Variants in CDKN2B-AS1 observed in about 807,000 individuals in gnomAD.
CDKN2B-AS1 encodes the protein CDKN2B antisense RNA 1 (non-protein coding).
In CDKN2B-AS1 at chr9:22,039,990, C is replaced by T. The variant is rs1461305677; in HGVS notation, n.30-6761C>T. 6.6e-6 allele frequency among the ~76,000 whole-genome samples: 1 copy of T among 152,012 alleles called. No homozygotes were observed. Among genetic ancestry groups the T allele is most frequent in the Non-Finnish European group, 1.5e-5 (1 of 67,960 alleles). ...GCACTGGGAGAATGCTCTCTGAAGA[C>T]TGGAGTTATGCTGCTAAAAGTCACA... On this transcript the variant is annotated intron_variant and non_coding_transcript_variant, in intron 1 of 4. Transcript: ENST00000650946. This position sits in a 1 kb window ranked among gnomAD's most constrained non-coding sequence, Gnocchi z 4.4.
Position 22,005,970 on chromosome 9 carries a change from G to A in CDKN2B-AS1, n.29+10809G>A, listed in dbSNP as rs1352158668. 1.9e-6 allele frequency: 3 copies of A among 1,599,988 alleles called. No individual in the cohort carries two copies. The highest frequency in any genetic ancestry group is 2.2e-5 in the South Asian group (2 of 90,854). ...GTAAGAAAATAAAGTCGTTGTGGGC[G>A]GCTGGGGAACCTGGCGTCAGTCCCC... On this transcript the variant is annotated intron_variant and non_coding_transcript_variant, in intron 1 of 4. Transcript: ENST00000650946. The surrounding 1 kb of genome is among the most constrained non-coding windows in gnomAD (Gnocchi z 4.9).
chr9:22,124,589 G>A (rs1470739125), intron 4 of CDKN2B-AS1, among the ~76,000 whole-genome samples: 2 of 151,982 alleles, frequency 1.3e-5, no homozygotes, highest in Admixed American at 6.6e-5. Flanking sequence ...TAAATTTTTT[G>A]TAGTAATTTC....
At chr9:22,044,876 C>G (rs1823041212) in intron 1 of CDKN2B-AS1, among the ~76,000 whole-genome samples, 1 of 151,986 alleles carries the variant, frequency 6.6e-6, no homozygotes, top group Non-Finnish European at 1.5e-5. Flanking sequence ...AGGATGCTGA[C>G]ACAACCTTTT....
At chr9:22,109,246 G>T (rs1328926556) in intron 4 of CDKN2B-AS1, among the ~76,000 whole-genome samples, 1 of 152,140 alleles carries the variant, frequency 6.6e-6, no homozygotes. Flanking sequence ...TTCCCTATCA[G>T]CTGGCTCAAG....
At chr9:22,045,312 A>G (rs1823063612) in intron 1 of CDKN2B-AS1, among the ~76,000 whole-genome samples, 1 of 151,928 alleles carries the variant, frequency 6.6e-6, no homozygotes, top group African/African-American at 2.4e-5. Context: ...CACTGTTTTG[A>G]ATTTGCTTAG....
chr9:22,017,651 T>C (rs1008779111), intron 1 of CDKN2B-AS1, among the ~76,000 whole-genome samples: 3 of 152,244 alleles, frequency 2.0e-5, no homozygotes, highest in Non-Finnish European at 2.9e-5. Context: ...ACATCAGTAA[T>C]GTACAGTTCT....
At chr9:22,079,715 G>T (rs377605861) in intron 4 of CDKN2B-AS1, among the ~76,000 whole-genome samples, 1 of 151,034 alleles carries the variant, frequency 6.6e-6, no homozygotes, top group African/African-American at 2.5e-5. Flanking sequence ...CTTTACTCCA[G>T]ATTTTCTTAC....
chr9:22,094,465 T>C (rs1262107089), intron 4 of CDKN2B-AS1, among the ~76,000 whole-genome samples: 1 of 144,730 alleles, frequency 6.9e-6, no homozygotes, highest in Non-Finnish European at 1.5e-5. Flanking sequence ...CAATCAGAAG[T>C]AGATTTGGTC....
chr9:22,036,326 G>A (rs1822686808), intron 1 of CDKN2B-AS1, among the ~76,000 whole-genome samples: 1 of 152,056 alleles, frequency 6.6e-6, no homozygotes, highest in African/African-American at 2.4e-5. Flanking sequence ...AATAGTATAA[G>A]TCTTTACACA....
At chr9:22,013,361 ATAATT>A (rs1821596817) in intron 1 of CDKN2B-AS1, among the ~76,000 whole-genome samples, 1 of 152,248 alleles carries the variant, frequency 6.6e-6, no homozygotes, top group Admixed American at 6.5e-5. Context: ...ACTGTTATTA[ATAATT>A]TATTCATTTG....
intron 1 of CDKN2B-AS1, among the ~76,000 whole-genome samples, chr9:22,033,893 C>G (rs1168617617): frequency 6.6e-6 from 1 of 152,172 alleles, no homozygotes; most frequent in Admixed American, 6.6e-5. Flanking sequence ...AATGAAAAAC[C>G]AACTACATTT....
At chr9:22,101,476 T>G (rs1825482120) in intron 4 of CDKN2B-AS1, among the ~76,000 whole-genome samples, 1 of 152,208 alleles carries the variant, frequency 6.6e-6, no homozygotes, top group South Asian at 2.1e-4. Context: ...TTAAGTAATG[T>G]CTCAGTTTTA....
chr9:22,014,766 C>G (rs919775973), intron 1 of CDKN2B-AS1, among the ~76,000 whole-genome samples: 6 of 121,870 alleles, frequency 4.9e-5, no homozygotes, highest in Non-Finnish European at 6.9e-5. Flanking sequence ...CCCCTCCCCC[C>G]ACCCCACAAC....
intron 1 of CDKN2B-AS1, among the ~76,000 whole-genome samples, chr9:22,024,112 A>AT (rs1218969370): frequency 1.3e-5 from 2 of 151,806 alleles, no homozygotes; most frequent in African/African-American, 4.8e-5. Context: ...CATTTGGATT[A>AT]TTTTTTCTTT....
chr9:22,028,391 C>G (rs1185447264), intron 1 of CDKN2B-AS1, among the ~76,000 whole-genome samples: 1 of 152,036 alleles, frequency 6.6e-6, no homozygotes, highest in African/African-American at 2.4e-5. Context: ...TGTTAGGTTT[C>G]TAATTTTGCT....
intron 4 of CDKN2B-AS1, among the ~76,000 whole-genome samples, chr9:22,109,781 A>C (rs1182332258): frequency 1.3e-5 from 2 of 152,132 alleles, no homozygotes; most frequent in African/African-American, 4.8e-5. Flanking sequence ...ATCAGGCTTT[A>C]TTGTGGGGAA....
intron 4 of CDKN2B-AS1, among the ~76,000 whole-genome samples, chr9:22,103,546 A>G (rs1825561542): frequency 6.6e-6 from 1 of 152,166 alleles, no homozygotes; most frequent in Admixed American, 6.5e-5. Flanking sequence ...AGAAGATGTG[A>G]TGCCACACCT....
intron 4 of CDKN2B-AS1, among the ~76,000 whole-genome samples, chr9:22,086,884 T>C (rs16905635): frequency 0.044 from 6,721 of 152,336 alleles, 388 homozygotes; most frequent in African/African-American, 0.13. Context: ...TTCTGAATAA[T>C]ATTTTTTCCA....
chr9:22,016,950 G>C (rs1463118091), intron 1 of CDKN2B-AS1, among the ~76,000 whole-genome samples: 2 of 152,138 alleles, frequency 1.3e-5, no homozygotes, highest in African/African-American at 2.4e-5. Context: ...TTGGCCAGTG[G>C]GAGCCTCTGC....
Sources: gnomAD v4.1 joint callset for allele counts (sites outside exome capture counted in the v4.1 genomes callset) on GRCh38, gnomAD v4.1.1 for gene constraint, Gnocchi (gnomAD v3.1) non-coding constraint, MANE v1.5 for transcripts, NCBI Gene and HGNC (gene_info 2026-07-23, HGNC 2026-07-21) for gene names.